Variants in GRM8 observed in about 807,000 individuals in gnomAD.
GRM8 encodes metabotropic glutamate receptor 8.
In GRM8, 47 loss-of-function variants were observed where a neutral mutation model predicts 87.2. The ratio of observed to expected loss-of-function variants is 0.54; its 90% CI spans 0.43 to 0.69. GRM8 has a LOEUF of 0.69. Among genes scored for constraint, GRM8 ranks in the 30% least tolerant of loss-of-function variants. The pLI, the probability that GRM8 is intolerant of heterozygous loss-of-function variation, is 0.00. For missense variants in GRM8, 1,019 were observed against 1,139.2 expected (o/e 0.89, Z 1.52); for synonymous variants, 396 against 404.5 (o/e 0.98, Z 0.25).
At chr7:126,627,412 T>C (rs1800813589) in intron 7 of GRM8, among the ~76,000 whole-genome samples, 1 of 152,232 alleles carries the variant, frequency 6.6e-6, no homozygotes, top group African/African-American at 2.4e-5. Context: ...CAGAAACCGT[T>C]GCAAATTCTT....
chr7:126,509,488 T>C (rs1238506413), intron 9 of GRM8, among the ~76,000 whole-genome samples: 1 of 152,096 alleles, frequency 6.6e-6, no homozygotes, highest in Non-Finnish European at 1.5e-5. Context: ...GAGCACATTA[T>C]GAAGACAAAT....
At chr7:126,822,917 A>G (rs1327378408) in intron 6 of GRM8, among the ~76,000 whole-genome samples, 2 of 152,214 alleles carry the variant, frequency 1.3e-5, no homozygotes, top group African/African-American at 2.4e-5. Context: ...TCTTCATCCC[A>G]TATACACAAC....
chr7:126,775,549 G>A (rs187363627), intron 6 of GRM8, among the ~76,000 whole-genome samples: 3 of 147,032 alleles, frequency 2.0e-5, no homozygotes, highest in Non-Finnish European at 3.0e-5. Context: ...TACAATAGGG[G>A]GAACATAAGG....
intron 3 of GRM8, among the ~76,000 whole-genome samples, chr7:127,010,735 T>C (rs1814804431): frequency 6.6e-6 from 1 of 152,134 alleles, no homozygotes; most frequent in South Asian, 2.1e-4. Context: ...AGAAACTTCA[T>C]TGAACAAATG....
intron 8 of GRM8, among the ~76,000 whole-genome samples, chr7:126,583,330 C>T (rs1425634567): frequency 6.6e-6 from 1 of 151,574 alleles, no homozygotes; most frequent in Non-Finnish European, 1.5e-5. Flanking sequence ...ACTCCCAGCC[C>T]GGGTGACAGG....
At chr7:126,875,031 A>G (rs1463432079) in intron 6 of GRM8, among the ~76,000 whole-genome samples, 1 of 152,144 alleles carries the variant, frequency 6.6e-6, no homozygotes, top group African/African-American at 2.4e-5. Context: ...TAAAATGTCC[A>G]GTGCCTCTTT....
intron 2 of GRM8, among the ~76,000 whole-genome samples, chr7:127,123,159 A>C (rs1563528215): frequency 6.6e-6 from 1 of 152,108 alleles, no homozygotes; most frequent in African/African-American, 2.4e-5. Context: ...AGGGTGTCTC[A>C]TTTCATCCAT....
At chr7:127,040,435 G>A (rs1002925028) in intron 3 of GRM8, among the ~76,000 whole-genome samples, 9 of 152,058 alleles carry the variant, frequency 5.9e-5, no homozygotes, top group Admixed American at 2.0e-4. Context: ...AATGAACCAC[G>A]TTTCCTATTC....
intron 9 of GRM8, among the ~76,000 whole-genome samples, chr7:126,471,358 A>C (rs1036101647): frequency 6.6e-6 from 1 of 151,994 alleles, no homozygotes; most frequent in Non-Finnish European, 1.5e-5. Context: ...ATCTTGAATT[A>C]ATTTGTGTAT....
intron 2 of GRM8, among the ~76,000 whole-genome samples, chr7:127,108,088 C>T (rs369268165): frequency 2.6e-4 from 40 of 152,282 alleles, no homozygotes; most frequent in African/African-American, 7.7e-4. Flanking sequence ...CACTGTGGGA[C>T]CATGAAAACC....
At chr7:126,597,825 G>A (rs1185682163) in intron 8 of GRM8, among the ~76,000 whole-genome samples, 2 of 151,976 alleles carry the variant, frequency 1.3e-5, no homozygotes, top group Non-Finnish European at 2.9e-5. Context: ...TATCTGTGGG[G>A]TACATATGAC....
chr7:127,204,761 G>A (rs1795809617), intron 2 of GRM8, among the ~76,000 whole-genome samples: 1 of 151,974 alleles, frequency 6.6e-6, no homozygotes, highest in Non-Finnish European at 1.5e-5. Context: ...GTTACTGAGA[G>A]CTCACATTAG....
chr7:127,182,793 A>G (rs13246600), intron 2 of GRM8, among the ~76,000 whole-genome samples: 101,717 of 151,424 alleles, frequency 0.67, 35,158 homozygotes, highest in African/African-American at 0.76. Flanking sequence ...AAGTAACTCA[A>G]GAATGGAAAA....
intron 9 of GRM8, among the ~76,000 whole-genome samples, chr7:126,491,547 A>G (rs890307120): frequency 6.6e-6 from 1 of 152,034 alleles, no homozygotes; most frequent in Non-Finnish European, 1.5e-5. Context: ...AACTTAACAA[A>G]TTTTACAAAT....
At chr7:126,470,949 G>A (rs1012820067) in intron 9 of GRM8, among the ~76,000 whole-genome samples, 12 of 152,144 alleles carry the variant, frequency 7.9e-5, no homozygotes, top group Non-Finnish European at 1.3e-4. Context: ...CAGTGATGAT[G>A]AGCATTTTTT....
chr7:126,793,322 T>C (rs1585959429), intron 6 of GRM8, among the ~76,000 whole-genome samples: 2 of 152,194 alleles, frequency 1.3e-5, no homozygotes, highest in Admixed American at 6.5e-5. Flanking sequence ...AAGGTTATGA[T>C]AGAGTGGAAA....
chr7:126,975,412 T>C (rs1410656867), intron 3 of GRM8, among the ~76,000 whole-genome samples: 1 of 152,234 alleles, frequency 6.6e-6, no homozygotes, highest in Non-Finnish European at 1.5e-5. Flanking sequence ...GAAGGTCACA[T>C]ATGTTACCAG....
chr7:126,784,947 G>A (rs1297340486), intron 6 of GRM8, among the ~76,000 whole-genome samples: 1 of 152,130 alleles, frequency 6.6e-6, no homozygotes, highest in Non-Finnish European at 1.5e-5. Flanking sequence ...CAGATCCTAG[G>A]AAAGACCAGT....
chr7:126,874,611 T>A (rs138736826), intron 6 of GRM8, among the ~76,000 whole-genome samples: 3 of 152,086 alleles, frequency 2.0e-5, no homozygotes, highest in Non-Finnish European at 1.5e-5. Context: ...ATTCCCATAT[T>A]ACAATTGAGG....
Sources: gnomAD v4.1 joint callset for allele counts (sites outside exome capture counted in the v4.1 genomes callset) on GRCh38, gnomAD v4.1.1 for gene constraint, MANE v1.5 for transcripts, NCBI Gene and HGNC (gene_info 2026-07-23, HGNC 2026-07-21) for gene names.